Variants in SPATA17 observed in about 807,000 individuals in gnomAD.
SPATA17 encodes the protein spermatogenesis-associated protein 17.
SPATA17 carries 53 observed loss-of-function variants against 62.2 expected under a neutral mutation model. The observed-to-expected ratio is 0.85, with a 90% CI of 0.68 to 1.07. The LOEUF is 1.07. Ranked by LOEUF, SPATA17 falls within the 50% of genes least tolerant of loss-of-function variation. SPATA17 has a pLI of 0.00. For missense variants in SPATA17, 466 were observed against 425.5 expected, an observed-to-expected ratio of 1.10 and a Z score of -0.84; for synonymous variants, 146 against 146.8, an observed-to-expected ratio of 0.99 and a Z score of 0.04.
chr1:217,805,950 A>C (rs1674422914), intron 9 of SPATA17, among the ~76,000 whole-genome samples: 1 of 152,216 alleles, frequency 6.6e-6, no homozygotes, highest in Non-Finnish European at 1.5e-5. Context: ...AGAACTACCA[A>C]GAAATACCAT....
At chr1:217,656,588 A>G (rs1670450401) in intron 3 of SPATA17, among the ~76,000 whole-genome samples, 1 of 152,132 alleles carries the variant, frequency 6.6e-6, no homozygotes. Context: ...GTATTTATTT[A>G]TTTTTGCCAT....
intron 5 of SPATA17, among the ~76,000 whole-genome samples, chr1:217,734,608 A>C (rs1452056585): frequency 1.3e-5 from 2 of 152,160 alleles, no homozygotes; most frequent in Non-Finnish European, 2.9e-5. Context: ...ATTTCGTTAG[A>C]ATTTTATTTT....
intron 9 of SPATA17, 33 bp from the exon 10 acceptor site, chr1:217,862,741 C>T: frequency 7.1e-7 from 1 of 1,413,764 alleles, no homozygotes; most frequent in Non-Finnish European, 9.9e-7. Flanking sequence ...TCATGAAGAT[C>T]TCTGTGGTAA....
intron 8 of SPATA17, 80 bp downstream of exon 8, chr1:217,782,402 TA>T (rs1465140361): frequency 7.2e-7 from 1 of 1,387,458 alleles, no homozygotes; most frequent in Non-Finnish European, 9.5e-7. Flanking sequence ...TCTAATACTG[TA>T]AAAAATCTTT....
intron 5 of SPATA17, among the ~76,000 whole-genome samples, chr1:217,723,233 A>G (rs1487963625): frequency 2.6e-5 from 4 of 152,198 alleles, no homozygotes; most frequent in Admixed American, 1.3e-4. Context: ...AAGGGTCTAC[A>G]GTGAGCCTGA....
chr1:217,786,192 C>A (rs2102979171), intron 8 of SPATA17, among the ~76,000 whole-genome samples: 1 of 152,228 alleles, frequency 6.6e-6, no homozygotes, highest in Non-Finnish European at 1.5e-5. Flanking sequence ...ACTTATATAG[C>A]TGAAACTAAC....
intron 5 of SPATA17, among the ~76,000 whole-genome samples, chr1:217,709,242 A>G (rs1671805008): frequency 6.6e-6 from 1 of 152,188 alleles, no homozygotes. Context: ...GTTTGAAACT[A>G]TAAATATTTT....
chr1:217,682,065 G>A (rs966008281), intron 4 of SPATA17, among the ~76,000 whole-genome samples: 2 of 152,092 alleles, frequency 1.3e-5, no homozygotes, highest in African/African-American at 4.8e-5. Flanking sequence ...TAAACGGTTG[G>A]AAAATTTTAG....
chr1:217,766,715 G>T (rs944568832), intron 6 of SPATA17, among the ~76,000 whole-genome samples: 1 of 50,234 alleles, frequency 2.0e-5, no homozygotes, highest in Admixed American at 3.3e-4. Flanking sequence ...GGCCTATATC[G>T]TTCTCTTTTT....
chr1:217,822,959 T>C (rs1674903618), intron 9 of SPATA17, among the ~76,000 whole-genome samples: 1 of 151,966 alleles, frequency 6.6e-6, no homozygotes, highest in Non-Finnish European at 1.5e-5. Flanking sequence ...TTTTAAAGTT[T>C]TTCCATCAAC....
chr1:217,778,195 A>T (rs1673639782), intron 7 of SPATA17, among the ~76,000 whole-genome samples: 1 of 152,172 alleles, frequency 6.6e-6, no homozygotes, highest in Non-Finnish European at 1.5e-5. Flanking sequence ...TAGATGTAAC[A>T]TTGCATATTT....
intron 1 of SPATA17, among the ~76,000 whole-genome samples, chr1:217,644,282 C>T (rs1338345844): frequency 1.3e-5 from 2 of 152,142 alleles, no homozygotes; most frequent in African/African-American, 2.4e-5. Flanking sequence ...CATCATCAAG[C>T]GTCTGTTATT....
chr1:217,666,382 C>A (rs12406580), intron 3 of SPATA17, among the ~76,000 whole-genome samples: 1 of 152,052 alleles, frequency 6.6e-6, no homozygotes, highest in South Asian at 2.1e-4. Context: ...TTTAAGTGTT[C>A]AAGTAACCCA....
chr1:217,742,048 A>G lies in SPATA17; in HGVS notation c.469A>G (p.Lys157Glu). 6.2e-7 allele frequency: 1 copy of G among 1,614,190 alleles called. No homozygotes were observed. The highest frequency in any genetic ancestry group is 8.5e-7 in the Non-Finnish European group (1 of 1,180,038). Residue 157 changes from lysine (K) to glutamate (E), a missense_variant, in exon 6 of 11, where the codon AAA (lysine) becomes GAA (glutamate). Lys to Glu is a moderately conservative substitution (Grantham distance 56, BLOSUM62 1). Coordinates refer to ENST00000366933, the MANE Select transcript of SPATA17 (RefSeq NM_138796.4). Reference protein sequence around the residue: ...KKANLEREEKKRDYQARKMHY... With the variant: ...KKANLEREEKERDYQARKMHY... ...GGCTAACCTCGAAAGGGAAGAGAAG[A>G]AAAGAGATTACCAAGCCCGAAAGAT... is the stretch of plus-strand genomic sequence containing the variant.
At position 217,848,623 on chromosome 1, in the gene SPATA17, G is replaced by C. The variant is rs114935043; in HGVS notation, c.1006-14151G>C. Among the ~76,000 whole-genome samples the C allele has an allele frequency of 6.7e-3, 1,021 of 152,052 alleles. 8 individuals carry two copies. Among genetic ancestry groups the C allele is most frequent in the Non-Finnish European group, 0.012 (817 of 67,976 alleles). ...AAAAATCTTTCAATATAATCTTTCT[G>C]TCTGAAAATTTCATCCTACAAGTAA... is the stretch of plus-strand genomic sequence containing the variant. On this transcript the variant is annotated intron_variant, in intron 9 of 10. Transcript: ENST00000366933.
chr1:217,734,522 A>G (rs1672467579), intron 5 of SPATA17, among the ~76,000 whole-genome samples: 1 of 152,156 alleles, frequency 6.6e-6, no homozygotes. Context: ...TTTTGAAGGC[A>G]TCTTACAACA....
chr1:217,726,496 C>T (rs2102938056), intron 5 of SPATA17, among the ~76,000 whole-genome samples: 1 of 152,304 alleles, frequency 6.6e-6, no homozygotes, highest in Non-Finnish European at 1.5e-5. Flanking sequence ...GGCTGGGGTT[C>T]TCACTAGGGC....
intron 9 of SPATA17, among the ~76,000 whole-genome samples, chr1:217,834,032 C>A (rs1191630206): frequency 1.3e-5 from 2 of 152,106 alleles, no homozygotes; most frequent in Non-Finnish European, 2.9e-5. Context: ...AATATTGTCA[C>A]CCGCCACATA....
intron 9 of SPATA17, among the ~76,000 whole-genome samples, chr1:217,834,224 T>A (rs1406534842): frequency 1.3e-5 from 2 of 152,176 alleles, no homozygotes; most frequent in Non-Finnish European, 2.9e-5. Context: ...TATGATTATG[T>A]ACAATACATA....
Sources: allele counts gnomAD v4.1 joint callset (sites outside exome capture counted in the v4.1 genomes callset), GRCh38; gene constraint gnomAD v4.1.1; transcripts MANE v1.5; gene names NCBI Gene and HGNC (gene_info 2026-07-23, HGNC 2026-07-21).